The following ZSCAN29 variants were observed in gnomAD, a reference collection of about 807,000 sequenced individuals.
ZSCAN29 encodes the protein zinc finger and SCAN domain containing 29, also known as zinc finger and SCAN domain-containing protein 29.
In ZSCAN29, 55 loss-of-function variants were observed where a neutral mutation model predicts 71.9. The ratio of observed to expected loss-of-function variants is 0.76; its 90% confidence interval spans 0.62 to 0.96. The LOEUF (loss-of-function observed/expected upper bound fraction) is 0.96, where lower values mean the gene tolerates loss of function less well. Ranked by LOEUF, ZSCAN29 falls within the 40% of genes least tolerant of loss-of-function variation. The pLI is 0.00. For missense variants in ZSCAN29, 1,042 were observed against 1,042.2 expected (o/e 1.00, Z 0.00); for synonymous variants, 351 against 371.6 (o/e 0.94, Z 0.64).
chr15:43,362,364 C>G (rs1162650809), intron 5 of ZSCAN29, among the ~76,000 whole-genome samples: 2 of 152,216 alleles, frequency 1.3e-5, no homozygotes, highest in Non-Finnish European at 2.9e-5. Context: ...GAAGGACATG[C>G]TCAGGAAAAC....
In ZSCAN29 at chr15:43,370,017, T is replaced by G; in HGVS notation, c.-104A>C. The G allele has an allele frequency of 8.5e-7, 1 of 1,181,328 alleles. No homozygotes were observed. Among genetic ancestry groups the G allele is most frequent in the Non-Finnish European group, 1.2e-6 (1 of 847,688 alleles). 73.2% of individuals were successfully genotyped at this position (1,181,328 alleles called of 1,614,324 possible). On this transcript the variant is annotated 5_prime_UTR_variant, in exon 2 of 6. Transcript: ENST00000684362. ...ATCCCCTGCAGATGACTGTAAGAGG[T>G]GTTTCTTCCTAGGGCAGAGAAAGAT...
At chr15:43,370,175 G>C in intron 1 of ZSCAN29, 150 bp from the exon 2 acceptor site, 1 of 429,964 alleles carries the variant, frequency 2.3e-6, no homozygotes, top group South Asian at 3.4e-5. Flanking sequence ...TGCTTTTCTG[G>C]TTGACTTCCA....
In ZSCAN29 at chr15:43,361,922, C is replaced by G. The variant is rs368938451; in HGVS notation, c.1710G>C (p.Glu570Asp). 43 of 1,608,248 alleles carry G rather than the reference C, an allele frequency of 2.7e-5. No individual in the cohort carries two copies. The highest frequency in any genetic ancestry group is 3.6e-5 in the Non-Finnish European group (42 of 1,176,614). ...TATCCCGTTTTGAATTATCTTCATT[C>G]TCAAATCCAGCTTCAAAACCTGATG... ...QSPRGFEAGF[E>D]NEDNSKRDIS... Residue 570 changes from glutamate to aspartate, a missense_variant, in exon 6 of 6, where the codon GAG becomes GAC. Physicochemically the swap from Glu to Asp is conservative, Grantham distance 45 (BLOSUM62 2). Coordinates refer to ENST00000684362, the MANE Select transcript of ZSCAN29 (RefSeq NM_001372080.1).
chr15:43,366,820 GA>G lies in ZSCAN29; in HGVS notation c.524-13del, dbSNP rs766228832. On this transcript the variant is annotated splice_polypyrimidine_tract_variant and intron_variant, in intron 3 of 5. Coordinates refer to ENST00000684362, the MANE Select transcript of ZSCAN29 (RefSeq NM_001372080.1). ...AGGAAATGGCAATCCTGCTTGCAGG[GA>G]AACAAACAAAAGTTGTCATAGTTTG... 77 of 1,594,564 alleles carry G rather than the reference GA, an allele frequency of 4.8e-5. 1 individual carries two copies. In the Admixed American group the frequency reaches 1.4e-3, roughly 28 times the overall value.
At chr15:43,364,881 C>T (rs1229924596) in intron 4 of ZSCAN29, among the ~76,000 whole-genome samples, 1 of 122,440 alleles carries the variant, frequency 8.2e-6, no homozygotes, top group East Asian at 2.3e-4. Context: ...GACAACAAAG[C>T]GACTCTGTCT....
intron 4 of ZSCAN29, among the ~76,000 whole-genome samples, chr15:43,365,783 T>C (rs16957641): frequency 0.011 from 1,722 of 152,216 alleles, 27 homozygotes; most frequent in African/African-American, 0.039. Flanking sequence ...TTAAAGATAA[T>C]ATTGTGCCAC....
intron 1 of ZSCAN29, 150 bp from the exon 2 acceptor site, chr15:43,370,175 G>A (rs948943222): frequency 4.7e-6 from 2 of 429,846 alleles, no homozygotes; most frequent in African/African-American, 4.0e-5. Context: ...TGCTTTTCTG[G>A]TTGACTTCCA....
Position 43,361,045 on chromosome 15 carries a change from C to A in ZSCAN29, c.*28G>T, listed in dbSNP as rs756035163. ...CTTTCTAAACAATACATTTATTGAG[C>A]CTCTTTCCGTTATATATCCTCAGGG... On this transcript the variant is annotated 3_prime_UTR_variant, in exon 6 of 6. Coordinates refer to ENST00000684362, the MANE Select transcript of ZSCAN29 (RefSeq NM_001372080.1). 9 of 1,543,902 alleles carry A rather than the reference C, an allele frequency of 5.8e-6. No individual in the cohort carries two copies. In the African/African-American group the frequency reaches 1.1e-4, roughly 19 times the overall value.
rs1314381199 is a variant in ZSCAN29 at position 43,369,121 on chromosome 15, CTG to C, written c.323_324del (p.Thr108SerfsTer72). 6.4e-7 allele frequency: 1 copy of C among 1,558,528 alleles called. No individual in the cohort carries two copies. Among genetic ancestry groups the C allele is most frequent in the East Asian group, 2.3e-5 (1 of 43,780 alleles). On this transcript the variant is annotated frameshift_variant, in exon 3 of 6. Coordinates refer to ENST00000684362, the MANE Select transcript of ZSCAN29 (RefSeq NM_001372080.1). LOFTEE classifies it high-confidence loss of function. ...CGCACTTCCTGCCCCTTCACAGAGA[CTG>C]TGACCTAGAAACAACCCCCGTTAAT... is the stretch of plus-strand genomic sequence containing the variant. Reference protein sequence around the residue: ...REPGRPRSSVTVSVKGQEVRL... With the variant: ...REPGRPRSSVXVSVKGQEVRL...
Position 43,359,900 on chromosome 15 carries a change from T to C in ZSCAN29, c.*1173A>G, listed in dbSNP as rs2043963132. 2 of 152,248 alleles carry C rather than the reference T, an allele frequency of 1.3e-5. No homozygotes were observed. The highest frequency in any genetic ancestry group is 6.5e-5 in the Admixed American group (1 of 15,288). The allele number at this position is 152,248 out of a possible 1,614,324, so 9.4% of individuals were successfully genotyped here. ...CATTGTTTCTGCATAAGAACACCTG[T>C]TCTTGACAAGATGATTCATAGGGCA... On this transcript the variant is annotated 3_prime_UTR_variant, in exon 6 of 6. Coordinates refer to ENST00000684362, the MANE Select transcript of ZSCAN29 (RefSeq NM_001372080.1).
At chr15:43,363,417 G>A (rs970103999) in intron 5 of ZSCAN29, among the ~76,000 whole-genome samples, 1 of 152,120 alleles carries the variant, frequency 6.6e-6, no homozygotes, top group Non-Finnish European at 1.5e-5. Context: ...TTATCTAGCA[G>A]CTAAGATTCA....
At position 43,361,957 on chromosome 15, in the gene ZSCAN29, AT is replaced by A; in HGVS notation, c.1691-17del. On this transcript the variant is annotated splice_polypyrimidine_tract_variant and intron_variant, in intron 5 of 5. Coordinates refer to ENST00000684362, the MANE Select transcript of ZSCAN29 (RefSeq NM_001372080.1). ...GCTTCAAAACCTGATGTAAAACAGA[AT>A]TTTAGAAGTTATCTATTTTCTTAAT... 1.3e-6 allele frequency: 2 copies of A among 1,587,652 alleles called. No homozygotes were observed. The highest frequency in any genetic ancestry group is 2.3e-5 in the South Asian group (2 of 87,564).
chr15:43,371,000 C>CCCCGGCCCCGG lies in ZSCAN29; in HGVS notation c.-556_-555insCCGGGGCCGGG. On this transcript the variant is annotated 5_prime_UTR_variant, in exon 1 of 6. Coordinates refer to ENST00000684362, the MANE Select transcript of ZSCAN29 (RefSeq NM_001372080.1). ...ACCCCGGCCCCGGCCCCGGCCCCGG[C>CCCCGGCCCCGG]CCCGGCTCTCCAGCCTCCCAAGTAC... The CCCCGGCCCCGG allele has an allele frequency of 2.9e-6, 1 of 339,764 alleles. No individual in the cohort carries two copies. The highest frequency in any genetic ancestry group is 5.6e-6 in the Non-Finnish European group (1 of 178,716). The allele number at this position is 339,764 out of a possible 1,614,324, so 21.0% of individuals were successfully genotyped here.
At position 43,358,801 on chromosome 15, in the gene ZSCAN29, T is replaced by C. The variant is rs1051188198; in HGVS notation, c.*2272A>G. 6.6e-6 allele frequency: 1 copy of C among 152,220 alleles called. No individual in the cohort carries two copies. Among genetic ancestry groups the C allele is most frequent in the African/African-American group, 2.4e-5 (1 of 41,454 alleles). 9.4% of individuals were successfully genotyped at this position (152,220 alleles called of 1,614,324 possible). A position where few individuals can be genotyped will look rare whatever the true frequency, so the allele number is the denominator to read the frequency against. On this transcript the variant is annotated 3_prime_UTR_variant, in exon 6 of 6. Transcript: ENST00000684362. Reference sequence around the variant, plus strand: ...TTATTCTTTCAGTGGCAGTCAGCTGTTTCCTTATCAATAGTTATAGCGTAG... The same window carrying C: ...TTATTCTTTCAGTGGCAGTCAGCTGCTTCCTTATCAATAGTTATAGCGTAG...
intron 5 of ZSCAN29, among the ~76,000 whole-genome samples, chr15:43,362,388 T>G (rs953932340): frequency 6.6e-6 from 1 of 152,208 alleles, no homozygotes; most frequent in Non-Finnish European, 1.5e-5. Context: ...TTTGGAAACT[T>G]TTATATCCAG....
At chr15:43,369,453 T>G in intron 2 of ZSCAN29, 143 bp downstream of exon 2, 1 of 867,200 alleles carries the variant, frequency 1.2e-6, no homozygotes, top group Non-Finnish European at 1.8e-6. Flanking sequence ...AGACAAGCAC[T>G]ATCTGAAAAA....
In ZSCAN29 at chr15:43,359,385, A is replaced by T. The variant is rs954596773; in HGVS notation, c.*1688T>A. ...ACAGGGCTCATCATACTATGAGCAT[A>T]TGGGCAGTTAATACTATTGTATTAT... On this transcript the variant is annotated 3_prime_UTR_variant, in exon 6 of 6. Coordinates refer to ENST00000684362, the MANE Select transcript of ZSCAN29 (RefSeq NM_001372080.1). 1 of 152,250 alleles carries T rather than the reference A, an allele frequency of 6.6e-6. No homozygotes were observed. Among genetic ancestry groups the T allele is most frequent in the Non-Finnish European group, 1.5e-5 (1 of 68,042 alleles). The allele number at this position is 152,250 out of a possible 1,614,324, so 9.4% of individuals were successfully genotyped here. A position where few individuals can be genotyped will look rare whatever the true frequency, so the allele number is the denominator to read the frequency against.
rs755058248 is a variant in ZSCAN29, at chr15:43,361,120, C to G, written c.2512G>C (p.Glu838Gln). The part of the protein sequence containing the change: ...SKSSALNKHG[E>Q]IHAREKLLTQ... ...AGAAGCTTTTCCCGTGCATGGATTT[C>G]TCCGTGCTTATTAAGGGCAGAGCTT... is the stretch of plus-strand genomic sequence containing the variant. The change falls in exon 6 of 6, where the codon GAA becomes CAA. Residue 838 changes from glutamate to glutamine, a missense_variant. Coordinates refer to ENST00000684362, the MANE Select transcript of ZSCAN29 (RefSeq NM_001372080.1). The G allele has an allele frequency of 2.7e-5, 43 of 1,611,792 alleles. 1 individual carries two copies. The South Asian group carries it at 4.6e-4, about 17-fold the overall frequency.
At chr15:43,364,487 C>T (rs757643626) in intron 4 of ZSCAN29, 105 bp from the exon 5 acceptor site, 1 of 1,072,424 alleles carries the variant, frequency 9.3e-7, no homozygotes, top group Non-Finnish European at 1.4e-6. Flanking sequence ...AGCTCAGGCT[C>T]CTAGATGAAA....
Sources: gnomAD v4.1 joint callset for allele counts (sites outside exome capture counted in the v4.1 genomes callset) on GRCh38, gnomAD v4.1.1 for gene constraint, MANE v1.5 for transcripts, NCBI Gene and HGNC (gene_info 2026-07-23, HGNC 2026-07-21) for gene names.